The following GRSF1 variants were observed in gnomAD, a reference collection of about 807,000 sequenced individuals.
GRSF1 encodes the protein G-rich sequence factor 1.
GRSF1 carries 50 observed loss-of-function variants against 51.1 expected under a neutral mutation model. The ratio of observed to expected loss-of-function variants is 0.98; its 90% confidence interval spans 0.78 to 1.24. GRSF1 has a LOEUF of 1.24. Among genes scored for constraint, GRSF1 ranks in the 50% most tolerant of loss-of-function variants. The probability of loss-of-function intolerance (pLI) is 0.00; values close to 1 mark genes in which losing one functional copy is unlikely to be tolerated. For missense variants in GRSF1, 700 were observed against 639.7 expected, an observed-to-expected ratio of 1.09 and a Z score of -1.02; for synonymous variants, 293 against 253.3, an observed-to-expected ratio of 1.16 and a Z score of -1.49.
Position 70,836,228 on chromosome 4 carries a change from A to C in GRSF1, c.444T>G (p.Asp148Glu). ...GTCCTTGAGCTCGAATGAGAAAGAC[A>C]TCATCCACTTCCTCTTCTAACTTGG... ...APSKLEEEVDDVFLIRAQGLP... is the reference protein window; with the variant it reads ...APSKLEEEVDEVFLIRAQGLP... Residue 148 changes from aspartate (D) to glutamate (E), a missense_variant, in exon 2 of 10, where the codon GAT becomes GAG. By Grantham distance (45) the Asp-to-Glu change is conservative. Transcript: ENST00000254799. 6.2e-7 allele frequency: 1 copy of C among 1,610,390 alleles called. No individual in the cohort carries two copies. Among genetic ancestry groups the C allele is most frequent in the Non-Finnish European group, 8.5e-7 (1 of 1,178,116 alleles).
intron 5 of GRSF1, among the ~76,000 whole-genome samples, chr4:70,829,056 TTTA>T (rs933757307): frequency 4.0e-5 from 6 of 151,812 alleles, no homozygotes; most frequent in African/African-American, 1.5e-4. Flanking sequence ...TGCTAATTTT[TTTA>T]TTTTTTATTT....
chr4:70,840,989 C>T (rs1309425557), upstream of GRSF1, among the ~76,000 whole-genome samples: 4 of 152,110 alleles, frequency 2.6e-5, no homozygotes, highest in Admixed American at 2.6e-4. Context: ...GGAAGGAGAA[C>T]TTCGTTGTTT....
At chr4:70,834,856 C>T (rs878911648) in intron 2 of GRSF1, among the ~76,000 whole-genome samples, 1 of 152,012 alleles carries the variant, frequency 6.6e-6, no homozygotes, top group Admixed American at 6.5e-5. Flanking sequence ...ATCTCCTGAC[C>T]TCGTGATCCG....
chr4:70,819,711 C>T lies in GRSF1; in HGVS notation c.*1176G>A, dbSNP rs1056964035. ...TAGAACTGCATCTCCTGGTGGCAGT[C>T]GTCACCCTGAGAACAGGAACAAGGC... On this transcript the variant is annotated 3_prime_UTR_variant, in exon 10 of 10. Coordinates refer to ENST00000254799, the MANE Select transcript of GRSF1 (RefSeq NM_002092.4). 3 of 152,610 alleles carry T rather than the reference C, an allele frequency of 2.0e-5. No homozygotes were observed. The highest frequency in any genetic ancestry group is 4.8e-5 in the African/African-American group (2 of 41,442). The allele number at this position is 152,610 out of a possible 1,614,324, so 9.5% of individuals were successfully genotyped here. A position where few individuals can be genotyped will look rare whatever the true frequency, so the allele number is the denominator to read the frequency against.
chr4:70,831,987 G>A (rs1733994800), intron 4 of GRSF1, among the ~76,000 whole-genome samples: 1 of 151,014 alleles, frequency 6.6e-6, no homozygotes, highest in African/African-American at 2.4e-5. Flanking sequence ...AATGGTTCTA[G>A]GAATTAGAAA....
intron 1 of GRSF1, chr4:70,839,142 C>T (rs1035280862): frequency 3.8e-6 from 5 of 1,318,070 alleles, no homozygotes; most frequent in East Asian, 5.0e-5. Context: ...CAAGAAGATG[C>T]GAGGTGGGGG....
Position 70,839,544 on chromosome 4 carries a change from GA to G in GRSF1, c.283del (p.Ser95LeufsTer48). On this transcript the variant is annotated frameshift_variant, in exon 1 of 10. Coordinates refer to ENST00000254799, the MANE Select transcript of GRSF1 (RefSeq NM_002092.4). LOFTEE classifies it high-confidence loss of function. ...SAAAAAAASY[S>X]ALRASLLPQS... Reference sequence around the variant, plus strand: ...CGGCAGCAGAGAGGCACGGAGGGCAGAGTAGGACGCGGCGGCCGCGGCCGCG... The same window carrying G: ...CGGCAGCAGAGAGGCACGGAGGGCAGGTAGGACGCGGCGGCCGCGGCCGCG... 1 of 1,441,382 alleles carries G rather than the reference GA, an allele frequency of 6.9e-7. No homozygotes were observed. The highest frequency in any genetic ancestry group is 9.1e-7 in the Non-Finnish European group (1 of 1,101,434). 89.3% of individuals were successfully genotyped at this position (1,441,382 alleles called of 1,614,324 possible).
At chr4:70,836,689 C>CG (rs1341992868) in intron 1 of GRSF1, among the ~76,000 whole-genome samples, 1 of 151,836 alleles carries the variant, frequency 6.6e-6, no homozygotes, top group Non-Finnish European at 1.5e-5. Flanking sequence ...ATCTAGAATA[C>CG]GATAAGCATA....
At chr4:70,829,240 AG>A in intron 5 of GRSF1, among the ~76,000 whole-genome samples, 1 of 152,156 alleles carries the variant, frequency 6.6e-6, no homozygotes, top group Non-Finnish European at 1.5e-5. Context: ...TTATAAAACT[AG>A]CTTGTGTTTA....
At chr4:70,840,098 T>C (rs1240103985), upstream of GRSF1, among the ~76,000 whole-genome samples, 10 of 97,108 alleles carry the variant, frequency 1.0e-4, no homozygotes, top group South Asian at 2.3e-3. Flanking sequence ...GCCCATGGTT[T>C]GGGCGGGGCT....
chr4:70,823,402 A>AAAAT (rs993698881), intron 9 of GRSF1, among the ~76,000 whole-genome samples: 3 of 152,132 alleles, frequency 2.0e-5, no homozygotes, highest in East Asian at 1.9e-4. Context: ...CATCTCACAA[A>AAAAT]AAATAAATAA....
intron 9 of GRSF1, among the ~76,000 whole-genome samples, chr4:70,822,583 C>CAAA (rs749025985): frequency 2.9e-4 from 6 of 20,452 alleles, no homozygotes; most frequent in African/African-American, 6.9e-4. Context: ...GATTTCATAT[C>CAAA]AAAAAAAAAA....
In GRSF1 at chr4:70,831,682, AC is replaced by A; in HGVS notation, c.815-9del. On this transcript the variant is annotated splice_polypyrimidine_tract_variant and intron_variant, in intron 4 of 9. Transcript: ENST00000254799. Reference sequence around the variant, plus strand: ...TGTCAACTATATTCAGTCCTAGGACACCAAGAGATTTTAATGCTACTAGCAG... The same window carrying A: ...TGTCAACTATATTCAGTCCTAGGACACAAGAGATTTTAATGCTACTAGCAG... The A allele has an allele frequency of 6.2e-7, 1 of 1,600,752 alleles. No individual in the cohort carries two copies. The highest frequency in any genetic ancestry group is 8.5e-7 in the Non-Finnish European group (1 of 1,175,114).
intron 2 of GRSF1, among the ~76,000 whole-genome samples, chr4:70,835,549 C>A (rs111262008): frequency 9.9e-4 from 149 of 151,034 alleles, no homozygotes; most frequent in African/African-American, 3.5e-3. Flanking sequence ...CTCCACCTCC[C>A]GGATTCACAC....
At chr4:70,836,395 T>A (rs771783298) in intron 1 of GRSF1, 81 bp from the exon 2 acceptor site, 3 of 1,028,514 alleles carry the variant, frequency 2.9e-6, no homozygotes, top group Non-Finnish European at 4.2e-6. Context: ...AAATGTTTAT[T>A]CTACAAACTA....
chr4:70,840,728 A>G (rs1734432424), upstream of GRSF1, among the ~76,000 whole-genome samples: 1 of 152,196 alleles, frequency 6.6e-6, no homozygotes, highest in Non-Finnish European at 1.5e-5. Flanking sequence ...GTGCCACCGC[A>G]CTGCAGCCTG....
chr4:70,828,271 A>G (rs1733813767), intron 5 of GRSF1, among the ~76,000 whole-genome samples: 1 of 152,242 alleles, frequency 6.6e-6, no homozygotes, highest in Non-Finnish European at 1.5e-5. Flanking sequence ...CTTCACATAC[A>G]TTTTAATAAT....
chr4:70,831,910 GT>G (rs5859242), intron 4 of GRSF1, among the ~76,000 whole-genome samples: 117,016 of 129,618 alleles, frequency 0.9, 52,804 homozygotes, highest in South Asian at 0.96. Context: ...CTCCCCACCA[GT>G]TTTTTTTTTT....
At chr4:70,830,687 C>T (rs1001425677) in intron 5 of GRSF1, among the ~76,000 whole-genome samples, 4 of 151,704 alleles carry the variant, frequency 2.6e-5, no homozygotes, top group Non-Finnish European at 4.4e-5. Flanking sequence ...GGCATGGTGG[C>T]GCATGCCTCT....
Sources: allele counts gnomAD v4.1 joint callset (sites outside exome capture counted in the v4.1 genomes callset), GRCh38; gene constraint gnomAD v4.1.1; transcripts MANE v1.5; gene names NCBI Gene and HGNC (gene_info 2026-07-23, HGNC 2026-07-21).